TAF4: variants seen among roughly 807,000 people sequenced by gnomAD.
The protein encoded by TAF4 is transcription initiation factor TFIID subunit 4.
TAF4 carries 9 observed loss-of-function variants against 90.3 expected under a neutral mutation model. The observed-to-expected ratio is 0.10, with a 90% CI of 0.06 to 0.17. The LOEUF is 0.17. Among genes scored for constraint, TAF4 ranks in the 10% least tolerant of loss-of-function variants. The pLI is 1.00. For synonymous variants in TAF4, 818 were observed against 638.9 expected, an observed-to-expected ratio of 1.28 and a Z score of -4.23; for missense variants, 1,351 against 1,370.7, an observed-to-expected ratio of 0.99 and a Z score of 0.23.
At chr20:62,034,785 A>C (rs556105427) in intron 1 of TAF4, among the ~76,000 whole-genome samples, 1 of 152,244 alleles carries the variant, frequency 6.6e-6, no homozygotes, top group South Asian at 2.1e-4. Flanking sequence ...TAAATAGAGT[A>C]ATATACCATA....
chr20:62,007,155 G>A (rs1470744920), intron 6 of TAF4, among the ~76,000 whole-genome samples: 2 of 152,184 alleles, frequency 1.3e-5, no homozygotes, highest in East Asian at 3.8e-4. Context: ...CCTCATAAAT[G>A]TGTACAAATA....
At chr20:61,989,008 GA>G (rs956656084) in intron 14 of TAF4, among the ~76,000 whole-genome samples, 33 of 152,240 alleles carry the variant, frequency 2.2e-4, no homozygotes, top group African/African-American at 7.0e-4. Flanking sequence ...TTACACGGAA[GA>G]AAAAAACAAA....
intron 1 of TAF4, among the ~76,000 whole-genome samples, chr20:62,049,628 T>G (rs1367398143): frequency 6.6e-6 from 1 of 152,098 alleles, no homozygotes; most frequent in East Asian, 1.9e-4. Flanking sequence ...CCCAGATCCC[T>G]GCCTGCCCCA....
chr20:61,999,820 G>A (rs1192198836), intron 11 of TAF4, among the ~76,000 whole-genome samples: 3 of 152,122 alleles, frequency 2.0e-5, no homozygotes, highest in Non-Finnish European at 4.4e-5. Context: ...ACGGTGGTGT[G>A]CGCCTGTAAT....
intron 14 of TAF4, chr20:61,980,668 G>C (rs778279182): frequency 6.6e-6 from 1 of 152,288 alleles, no homozygotes; most frequent in African/African-American, 2.4e-5. Context: ...CGTGGCTGCC[G>C]AGCTGATGTC....
intron 1 of TAF4, among the ~76,000 whole-genome samples, chr20:62,023,747 C>CAAA (rs59813943): frequency 5.9e-4 from 35 of 59,536 alleles, no homozygotes; most frequent in African/African-American, 1.3e-3. Flanking sequence ...GACTCCATCT[C>CAAA]AAAAAAAAAA....
chr20:62,035,152 A>T (rs2055925647), intron 1 of TAF4, among the ~76,000 whole-genome samples: 1 of 152,198 alleles, frequency 6.6e-6, no homozygotes, highest in South Asian at 2.1e-4. Flanking sequence ...ATTGACCCAC[A>T]GATTGATACA....
Position 62,065,216 on chromosome 20 carries a change from T to C in TAF4, c.595A>G (p.Asn199Asp), listed in dbSNP as rs2056120652. ...PAGPGAAQTLNGSAALLNSHH... is the reference protein window; with the variant it reads ...PAGPGAAQTLDGSAALLNSHH... ...GAGTTCAGCAGCGCGGCGCTCCCAT[T>C]CAAAGTTTGCGCGGCGCCGGGGCCG... is the stretch of plus-strand genomic sequence containing the variant. The change falls in exon 1 of 15, where the codon AAT (asparagine) becomes GAT (aspartate). Residue 199 changes from asparagine (N) to aspartate (D), a missense_variant. By Grantham distance (23) the Asn-to-Asp change is conservative. Coordinates refer to ENST00000252996, the MANE Select transcript of TAF4 (RefSeq NM_003185.4). The C allele has an allele frequency of 1.7e-6, 2 of 1,153,700 alleles. No individual in the cohort carries two copies. Among genetic ancestry groups the C allele is most frequent in the South Asian group, 1.5e-5 (1 of 65,182 alleles). The allele number at this position is 1,153,700 out of a possible 1,614,324, so 71.5% of individuals were successfully genotyped here.
intron 1 of TAF4, among the ~76,000 whole-genome samples, chr20:62,053,167 G>C (rs528546988): frequency 6.6e-6 from 1 of 152,144 alleles, no homozygotes; most frequent in Non-Finnish European, 1.5e-5. Context: ...AGTGGAAGAG[G>C]GTGGCCCTAT....
chr20:62,021,120 C>T (rs139635333), intron 1 of TAF4, among the ~76,000 whole-genome samples: 95 of 152,256 alleles, frequency 6.2e-4, no homozygotes, highest in Middle Eastern at 3.4e-3. Context: ...CGAAACCCCC[C>T]GGGAAATTAC....
At chr20:62,025,545 T>C (rs2055870036) in intron 1 of TAF4, among the ~76,000 whole-genome samples, 3 of 152,194 alleles carry the variant, frequency 2.0e-5, no homozygotes, top group South Asian at 2.1e-4. Context: ...GTTCTCATGA[T>C]AGCGAGTGAG....
chr20:62,016,328 G>A (rs2055812006), intron 1 of TAF4, among the ~76,000 whole-genome samples: 1 of 152,246 alleles, frequency 6.6e-6, no homozygotes. Context: ...TGCCAAAGAA[G>A]GTTAACATTT....
At chr20:62,019,914 C>T (rs896618849) in intron 1 of TAF4, among the ~76,000 whole-genome samples, 7 of 152,340 alleles carry the variant, frequency 4.6e-5, no homozygotes, top group African/African-American at 1.4e-4. Flanking sequence ...ATGCCTTTGC[C>T]GGGTGCCGCA....
chr20:62,055,170 T>C (rs529247539), intron 1 of TAF4, among the ~76,000 whole-genome samples: 4 of 149,178 alleles, frequency 2.7e-5, no homozygotes, highest in Non-Finnish European at 6.0e-5. Context: ...ATACAATCGA[T>C]TCACGCTGCC....
intron 14 of TAF4, among the ~76,000 whole-genome samples, chr20:61,979,547 CCA>C (rs2055522723): frequency 6.9e-6 from 1 of 145,740 alleles, no homozygotes; most frequent in Non-Finnish European, 1.5e-5. Context: ...GGCGCCATGG[CCA>C]CTCCAGAGGG....
At chr20:61,985,479 A>G (rs1471445873) in intron 14 of TAF4, among the ~76,000 whole-genome samples, 1 of 152,100 alleles carries the variant, frequency 6.6e-6, no homozygotes, top group Admixed American at 6.5e-5. Context: ...AACAATACTC[A>G]TCTATGTAAA....
intron 14 of TAF4, among the ~76,000 whole-genome samples, chr20:61,989,744 A>G (rs1015741286): frequency 2.0e-5 from 3 of 151,842 alleles, no homozygotes; most frequent in African/African-American, 7.3e-5. Flanking sequence ...CACTGCAGTG[A>G]GTGAGTGAAT....
intron 1 of TAF4, among the ~76,000 whole-genome samples, chr20:62,045,902 C>G (rs531604625): frequency 2.0e-5 from 3 of 152,330 alleles, no homozygotes; most frequent in African/African-American, 7.2e-5. Flanking sequence ...TAGCAGTAAC[C>G]TCTTTTTCAC....
intron 1 of TAF4, among the ~76,000 whole-genome samples, chr20:62,055,840 C>T (rs757147272): frequency 2.0e-5 from 3 of 152,224 alleles, no homozygotes; most frequent in Non-Finnish European, 4.4e-5. Context: ...GCCCCCACAA[C>T]GGACACACCA....
Sources: allele counts gnomAD v4.1 joint callset (sites outside exome capture counted in the v4.1 genomes callset), GRCh38; gene constraint gnomAD v4.1.1; transcripts MANE v1.5; gene names NCBI Gene and HGNC (gene_info 2026-07-23, HGNC 2026-07-21).